Variants in CADM2 observed in about 807,000 individuals in gnomAD.
CADM2 encodes cell adhesion molecule 2.
A neutral mutation model predicts 49.8 loss-of-function variants in CADM2; 12 were observed. The observed-to-expected ratio is 0.24, with a 90% CI of 0.15 to 0.39. The LOEUF is 0.39. Ranked by LOEUF, CADM2 falls within the 10% of genes least tolerant of loss-of-function variation. The probability of loss-of-function intolerance (pLI) is 1.00; values close to 1 mark genes in which losing one functional copy is unlikely to be tolerated. For missense variants in CADM2, 378 were observed against 492.3 expected (o/e 0.77, Z 2.20); for synonymous variants, 214 against 175.4 (o/e 1.22, Z -1.74).
At chr3:85,441,801 G>A (rs1490180096) in intron 1 of CADM2, among the ~76,000 whole-genome samples, 1 of 151,972 alleles carries the variant, frequency 6.6e-6, no homozygotes, top group Non-Finnish European at 1.5e-5. Context: ...CGTGGTGAGA[G>A]AAATACATGA....
rs370250473 is a variant in CADM2, at chr3:85,051,378, CAT to C, written c.61+91713_61+91714del. Reference sequence around the variant, plus strand: ...CCAGCAGCCATGAATACCTTGCAATCATATTAAATGCATGAATCTTAGGATAT... The same window carrying C: ...CCAGCAGCCATGAATACCTTGCAATCATTAAATGCATGAATCTTAGGATAT... On this transcript the variant is annotated intron_variant, in intron 1 of 9. Transcript: ENST00000383699. Among the ~76,000 whole-genome samples, 378 of 152,250 alleles carry C rather than the reference CAT, an allele frequency of 2.5e-3. 1 individual carries two copies. The highest frequency in any genetic ancestry group is 8.7e-3 in the African/African-American group (362 of 41,558).
At chr3:85,541,775 T>TTATATATATATATATATATATA (rs10576590) in intron 1 of CADM2, among the ~76,000 whole-genome samples, 2 of 88,320 alleles carry the variant, frequency 2.3e-5, no homozygotes, top group African/African-American at 6.5e-5. Flanking sequence ...ATTTTATATT[T>TTATATATATATATATATATATA]TATATATATA....
chr3:85,049,327 G>GTTTGTTTATTTATTTATTTA (rs373447374), intron 1 of CADM2, among the ~76,000 whole-genome samples: 1 of 146,148 alleles, frequency 6.8e-6, no homozygotes, highest in African/African-American at 2.6e-5. Context: ...TGCAGGTTTA[G>GTTTGTTTATTTATTTATTTA]TTTATTTATT....
At chr3:85,202,120 G>A (rs142262764) in intron 1 of CADM2, among the ~76,000 whole-genome samples, 2,063 of 145,314 alleles carry the variant, frequency 0.014, 23 homozygotes, top group Non-Finnish European at 0.025. Flanking sequence ...ATCTGTTCAA[G>A]TTTTATCATG....
chr3:85,916,750 G>A (rs1257501227), intron 6 of CADM2, among the ~76,000 whole-genome samples: 4 of 151,944 alleles, frequency 2.6e-5, no homozygotes, highest in Non-Finnish European at 5.9e-5. Flanking sequence ...TCACCACACT[G>A]ACTTCCACAA....
chr3:85,277,455 C>A (rs556110728), intron 1 of CADM2, among the ~76,000 whole-genome samples: 2 of 151,390 alleles, frequency 1.3e-5, no homozygotes, highest in African/African-American at 4.8e-5. Flanking sequence ...TAATACCCAG[C>A]CAGATCCATG....
chr3:86,066,945 C>T lies in CADM2; in HGVS notation c.*162C>T. On this transcript the variant is annotated 3_prime_UTR_variant, in exon 10 of 10. Coordinates refer to ENST00000383699, the MANE Select transcript of CADM2 (RefSeq NM_001167675.2). ...TATACCAACAATCAGCTGTTGAAAG[C>T]ATCATTCTTTAATTACTGTACCATC... 1 of 626,014 alleles carries T rather than the reference C, an allele frequency of 1.6e-6. No individual in the cohort carries two copies. Among genetic ancestry groups the T allele is most frequent in the Non-Finnish European group, 2.9e-6 (1 of 349,722 alleles). The allele number at this position is 626,014 out of a possible 1,614,324, so 38.8% of individuals were successfully genotyped here. A position where few individuals can be genotyped will look rare whatever the true frequency, so the allele number is the denominator to read the frequency against.
intron 1 of CADM2, among the ~76,000 whole-genome samples, chr3:85,117,163 G>C (rs181899518): frequency 6.6e-6 from 1 of 152,118 alleles, no homozygotes; most frequent in Non-Finnish European, 1.5e-5. Context: ...GGAGGTTGCA[G>C]TGAGCCAATA....
At chr3:85,314,493 T>G (rs547962649) in intron 1 of CADM2, among the ~76,000 whole-genome samples, 1 of 152,140 alleles carries the variant, frequency 6.6e-6, no homozygotes, top group Non-Finnish European at 1.5e-5. Context: ...ATAATCTTAA[T>G]TGTAACCTAA....
intron 3 of CADM2, among the ~76,000 whole-genome samples, chr3:85,831,247 G>T (rs1399618897): frequency 6.6e-6 from 1 of 151,880 alleles, no homozygotes; most frequent in East Asian, 1.9e-4. Flanking sequence ...GGGCATCTAG[G>T]TTGATTTCAT....
chr3:85,602,017 G>T (rs898360593), intron 1 of CADM2, among the ~76,000 whole-genome samples: 1 of 151,688 alleles, frequency 6.6e-6, no homozygotes, highest in African/African-American at 2.4e-5. Flanking sequence ...TTCAAACATT[G>T]TTCCGTTCAG....
At chr3:85,303,296 A>C (rs938629984) in intron 1 of CADM2, among the ~76,000 whole-genome samples, 2 of 151,970 alleles carry the variant, frequency 1.3e-5, no homozygotes, top group African/African-American at 4.8e-5. Flanking sequence ...GCAGTAGTGT[A>C]AGTGTTAAAG....
chr3:85,051,456 AT>A, intron 1 of CADM2, among the ~76,000 whole-genome samples: 1 of 152,272 alleles, frequency 6.6e-6, no homozygotes, highest in African/African-American at 2.4e-5. Flanking sequence ...ATTTAAAAAT[AT>A]TTTTATCAAG....
At chr3:85,299,922 C>T (rs72921320) in intron 1 of CADM2, among the ~76,000 whole-genome samples, 14,396 of 151,882 alleles carry the variant, frequency 0.095, 1,408 homozygotes, top group African/African-American at 0.25. Flanking sequence ...AGCAGATCGT[C>T]AGAAAGACAC....
chr3:85,157,923 AT>A (rs2040190633), intron 1 of CADM2, among the ~76,000 whole-genome samples: 1 of 152,102 alleles, frequency 6.6e-6, no homozygotes, highest in African/African-American at 2.4e-5. Flanking sequence ...ATGGGAGAAA[AT>A]TTTTGCAACC....
intron 1 of CADM2, among the ~76,000 whole-genome samples, chr3:85,081,500 C>A (rs1486797277): frequency 5.9e-5 from 9 of 152,052 alleles, no homozygotes. Flanking sequence ...CTGGTTATTT[C>A]AAAAAAATAA....
intron 7 of CADM2, among the ~76,000 whole-genome samples, chr3:85,954,677 A>T (rs2108596006): frequency 6.6e-6 from 1 of 151,258 alleles, no homozygotes; most frequent in African/African-American, 2.4e-5. Flanking sequence ...TTTGTTCAGG[A>T]TTCTTTTTTC....
chr3:85,274,197 A>G (rs2043307038), intron 1 of CADM2, among the ~76,000 whole-genome samples: 2 of 150,806 alleles, frequency 1.3e-5, no homozygotes, highest in Non-Finnish European at 3.0e-5. Context: ...TTAGTATAGC[A>G]TTTTTGAGGA....
intron 8 of CADM2, among the ~76,000 whole-genome samples, chr3:86,028,902 C>G (rs1734237257): frequency 6.6e-6 from 1 of 152,030 alleles, no homozygotes; most frequent in Admixed American, 6.6e-5. Flanking sequence ...AATGGCTGCC[C>G]TTTTATAGCA....
Sources: allele counts gnomAD v4.1 joint callset (sites outside exome capture counted in the v4.1 genomes callset), GRCh38; gene constraint gnomAD v4.1.1; transcripts MANE v1.5; gene names NCBI Gene and HGNC (gene_info 2026-07-23, HGNC 2026-07-21).